Variants in RBFOX1 observed in about 807,000 individuals in gnomAD.
The protein encoded by RBFOX1 is RNA binding protein fox-1 homolog 1.
A neutral mutation model predicts 57.7 loss-of-function variants in RBFOX1; 8 were observed. That is an observed-to-expected ratio of 0.14 (90% confidence interval 0.08 to 0.25). RBFOX1 has a LOEUF of 0.25. Ranked by LOEUF, RBFOX1 falls within the 10% of genes least tolerant of loss-of-function variation. The probability of loss-of-function intolerance (pLI) is 1.00; values close to 1 mark genes in which losing one functional copy is unlikely to be tolerated. For missense variants in RBFOX1, 611 were observed against 548.5 expected, an observed-to-expected ratio of 1.11 and a Z score of -1.14; for synonymous variants, 326 against 222.4, an observed-to-expected ratio of 1.47 and a Z score of -4.15.
At chr16:6,456,264 G>A (rs1353573187) in intron 2 of RBFOX1, among the ~76,000 whole-genome samples, 1 of 152,134 alleles carries the variant, frequency 6.6e-6, no homozygotes, top group Non-Finnish European at 1.5e-5. Context: ...ATGGATTAGT[G>A]TGTGTGTATG....
chr16:6,619,654 C>T (rs941399808), intron 2 of RBFOX1, among the ~76,000 whole-genome samples: 7 of 147,990 alleles, frequency 4.7e-5, no homozygotes, highest in South Asian at 2.2e-4. Context: ...AAACTCTCTG[C>T]TTCTCAAAAC....
At chr16:5,878,382 C>G (rs550974193) in intron 4 of RBFOX1, among the ~76,000 whole-genome samples, 2 of 152,290 alleles carry the variant, frequency 1.3e-5, no homozygotes, top group African/African-American at 2.4e-5. Context: ...TTAATGTAGA[C>G]TTCATTTAAC....
At chr16:6,564,067 A>G (rs1202593209) in intron 2 of RBFOX1, among the ~76,000 whole-genome samples, 2 of 151,898 alleles carry the variant, frequency 1.3e-5, no homozygotes, top group East Asian at 1.9e-4. Flanking sequence ...ACCTCCACCA[A>G]CCTTAACCTC....
At chr16:6,894,544 G>A (rs2066292759) in intron 3 of RBFOX1, among the ~76,000 whole-genome samples, 1 of 152,082 alleles carries the variant, frequency 6.6e-6, no homozygotes, top group Non-Finnish European at 1.5e-5. Context: ...TACTCCCAAA[G>A]TGTACCCCCA....
intron 4 of RBFOX1, among the ~76,000 whole-genome samples, chr16:7,235,919 G>A (rs1313684604): frequency 2.0e-5 from 3 of 152,144 alleles, no homozygotes; most frequent in Non-Finnish European, 2.9e-5. Context: ...TCCTGTGAAT[G>A]TTCTCTCTTA....
At position 7,307,110 on chromosome 16, in the gene RBFOX1, C is replaced by G. The variant is rs139945297; in HGVS notation, c.28-211037C>G. ...ATTCAGAAGTCTTTGTCATTGAGAT[C>G]ACCAATTACATAAGAAAGTAATCAA... is the stretch of plus-strand genomic sequence containing the variant. On this transcript the variant is annotated intron_variant, in intron 4 of 15. Transcript: ENST00000550418. 8.5e-5 allele frequency among the ~76,000 whole-genome samples: 13 copies of G among 152,254 alleles called. No homozygotes were observed. In the East Asian group the frequency reaches 2.5e-3, roughly 29 times the overall value.
intron 4 of RBFOX1, among the ~76,000 whole-genome samples, chr16:7,439,360 C>T (rs1208684496): frequency 1.5e-5 from 2 of 134,780 alleles, no homozygotes; most frequent in East Asian, 4.2e-4. Flanking sequence ...CTGTGAAAGG[C>T]AGATTAAAAA....
intron 4 of RBFOX1, among the ~76,000 whole-genome samples, chr16:7,313,975 A>G (rs2096380530): frequency 1.3e-5 from 2 of 152,184 alleles, no homozygotes; most frequent in Admixed American, 6.5e-5. Flanking sequence ...TTTCCTTTAA[A>G]GGCAGGACTT....
chr16:7,234,146 G>A (rs56143722), intron 4 of RBFOX1, among the ~76,000 whole-genome samples: 5,085 of 152,182 alleles, frequency 0.033, 120 homozygotes, highest in Non-Finnish European at 0.053. Context: ...GCTGGCAGAC[G>A]CTTTTGTCAG....
At chr16:6,075,104 C>T (rs977374314) in intron 1 of RBFOX1, among the ~76,000 whole-genome samples, 2 of 152,188 alleles carry the variant, frequency 1.3e-5, no homozygotes, top group Non-Finnish European at 2.9e-5. Flanking sequence ...ATCCCTGCTT[C>T]TGGTGCTCCC....
intron 3 of RBFOX1, among the ~76,000 whole-genome samples, chr16:5,695,869 C>G (rs529153124): frequency 6.6e-6 from 1 of 152,108 alleles, no homozygotes; most frequent in Non-Finnish European, 1.5e-5. Context: ...TAATCATTCA[C>G]TATGCATATA....
intron 4 of RBFOX1, among the ~76,000 whole-genome samples, chr16:7,135,221 G>T (rs1290051729): frequency 6.6e-6 from 1 of 152,108 alleles, no homozygotes; most frequent in Non-Finnish European, 1.5e-5. Context: ...TTAAGTTTCA[G>T]CCCTGTCTAG....
chr16:7,034,149 T>G (rs1490536604), intron 3 of RBFOX1, among the ~76,000 whole-genome samples: 1 of 152,158 alleles, frequency 6.6e-6, no homozygotes, highest in Non-Finnish European at 1.5e-5. Flanking sequence ...TGATTCTCAT[T>G]GCTGGTTCTG....
chr16:6,420,686 T>G (rs980663974), intron 2 of RBFOX1, among the ~76,000 whole-genome samples: 1 of 152,210 alleles, frequency 6.6e-6, no homozygotes, highest in Non-Finnish European at 1.5e-5. Flanking sequence ...GTTCCCAGCT[T>G]GTGCTACTAA....
intron 4 of RBFOX1, among the ~76,000 whole-genome samples, chr16:7,292,253 G>T (rs1375185815): frequency 2.4e-5 from 2 of 81,768 alleles, no homozygotes; most frequent in African/African-American, 1.1e-4. Context: ...TCATATATAT[G>T]ATATATGATA....
intron 2 of RBFOX1, among the ~76,000 whole-genome samples, chr16:5,542,332 T>A (rs977257821): frequency 6.8e-6 from 1 of 146,354 alleles, no homozygotes; most frequent in Non-Finnish European, 1.5e-5. Flanking sequence ...CACTGCAACC[T>A]CTGCCTCCCG....
At chr16:5,864,195 G>C (rs1369145205) in intron 3 of RBFOX1, among the ~76,000 whole-genome samples, 1 of 152,154 alleles carries the variant, frequency 6.6e-6, no homozygotes, top group Admixed American at 6.5e-5. Context: ...AAGGATAATG[G>C]CCTCCAGCTC....
In RBFOX1 at chr16:7,326,431, C is replaced by G. The variant is rs551305734; in HGVS notation, c.28-191716C>G. On this transcript the variant is annotated intron_variant, in intron 4 of 15. Coordinates refer to ENST00000550418, the MANE Select transcript of RBFOX1 (RefSeq NM_018723.4). ...CTGGGGGGATAATAGAATGGAAGCT[C>G]GAACAGCAACATCTGTATGGGGTGT... Among the ~76,000 whole-genome samples the G allele has an allele frequency of 3.9e-5, 6 of 152,090 alleles. No homozygotes were observed. In the South Asian group the frequency reaches 1.0e-3, roughly 26 times the overall value.
At chr16:6,236,249 T>G (rs892229562) in intron 1 of RBFOX1, among the ~76,000 whole-genome samples, 3 of 152,170 alleles carry the variant, frequency 2.0e-5, no homozygotes, top group Non-Finnish European at 4.4e-5. Flanking sequence ...ATTCAAATCC[T>G]GGCACCACCA....
Sources: allele counts gnomAD v4.1 joint callset (sites outside exome capture counted in the v4.1 genomes callset), GRCh38; gene constraint gnomAD v4.1.1; transcripts MANE v1.5; gene names NCBI Gene and HGNC (gene_info 2026-07-23, HGNC 2026-07-21).